Variants in RBM20 observed in about 807,000 individuals in gnomAD.
RBM20 encodes the protein RNA-binding protein 20.
Under a neutral mutation model 110.1 loss-of-function variants are expected in RBM20, and 51 were observed. The ratio of observed to expected loss-of-function variants is 0.46; its 90% CI spans 0.37 to 0.59. The LOEUF (loss-of-function observed/expected upper bound fraction) is 0.59. Among genes scored for constraint, RBM20 ranks in the 20% least tolerant of loss-of-function variants. The probability of loss-of-function intolerance (pLI) is 0.00; values close to 1 mark genes in which losing one functional copy is unlikely to be tolerated. For synonymous variants in RBM20, 589 were observed against 618.2 expected (o/e 0.95, Z 0.70); for missense variants, 1,512 against 1,574.9 (o/e 0.96, Z 0.68).
At chr10:110,803,024 A>G (rs1345232482) in intron 7 of RBM20, among the ~76,000 whole-genome samples, 1 of 152,156 alleles carries the variant, frequency 6.6e-6, no homozygotes, top group Non-Finnish European at 1.5e-5. Flanking sequence ...TAATCACTGT[A>G]CCCTGTGAAG....
At chr10:110,794,514 C>G (rs956151095) in intron 5 of RBM20, among the ~76,000 whole-genome samples, 2 of 152,218 alleles carry the variant, frequency 1.3e-5, no homozygotes, top group Non-Finnish European at 2.9e-5. Context: ...ACTGAAGAAG[C>G]TACTCATGAT....
rs2135154351 is a variant in RBM20 at position 110,839,229 on chromosome 10, C to T, written c.*3251C>T. 1 of 152,278 alleles carries T rather than the reference C, an allele frequency of 6.6e-6. No individual in the cohort carries two copies. Among genetic ancestry groups the T allele is most frequent in the South Asian group, 2.1e-4 (1 of 4,812 alleles). 9.4% of individuals were successfully genotyped at this position (152,278 alleles called of 1,614,324 possible). A position where few individuals can be genotyped will look rare whatever the true frequency, so the allele number is the denominator to read the frequency against. On this transcript the variant is annotated 3_prime_UTR_variant, in exon 14 of 14. Coordinates refer to ENST00000369519, the MANE Select transcript of RBM20 (RefSeq NM_001134363.3). ...AGTATCAGGGTTTCCCATTCTTGGA[C>T]AGTCCGAGGCTGTGACCTGTTAGAT...
At chr10:110,715,793 A>G (rs369638080) in intron 1 of RBM20, among the ~76,000 whole-genome samples, 25 of 152,196 alleles carry the variant, frequency 1.6e-4, no homozygotes, top group African/African-American at 5.8e-4. Flanking sequence ...CCCTGCAATT[A>G]CATTGCAATT....
intron 9 of RBM20, 121 bp downstream of exon 9, chr10:110,813,068 G>A (rs2135106751): frequency 1.2e-5 from 9 of 727,328 alleles, no homozygotes; most frequent in East Asian, 5.6e-5. Context: ...TTTACTATGC[G>A]CTAGGCACTG....
chr10:110,819,372 A>G (rs1411086339), intron 9 of RBM20, among the ~76,000 whole-genome samples: 2 of 152,282 alleles, frequency 1.3e-5, no homozygotes, highest in Non-Finnish European at 2.9e-5. Context: ...CTCACAAGCT[A>G]TACAAAAACA....
chr10:110,696,483 C>T (rs1020428995), intron 1 of RBM20, among the ~76,000 whole-genome samples: 1 of 152,190 alleles, frequency 6.6e-6, no homozygotes, highest in Admixed American at 6.5e-5. Flanking sequence ...GTGTGCAATG[C>T]CTGCACCACA....
chr10:110,783,170 C>T (rs766091603), intron 2 of RBM20, among the ~76,000 whole-genome samples, 196 bp from the exon 3 acceptor site: 2 of 151,970 alleles, frequency 1.3e-5, no homozygotes, highest in African/African-American at 2.4e-5. Flanking sequence ...GCTGATGGAG[C>T]AAAGGCTGGA....
intron 7 of RBM20, among the ~76,000 whole-genome samples, chr10:110,803,917 C>T (rs969376937): frequency 1.3e-5 from 2 of 151,406 alleles, no homozygotes; most frequent in South Asian, 4.2e-4. Context: ...GACCCAGAGA[C>T]CCTCATTAGG....
At chr10:110,675,804 T>G (rs1862330538) in intron 1 of RBM20, among the ~76,000 whole-genome samples, 1 of 152,238 alleles carries the variant, frequency 6.6e-6, no homozygotes, top group African/African-American at 2.4e-5. Context: ...TTTGCTCATT[T>G]ATGAAAAAGG....
At chr10:110,676,542 T>C (rs7342050) in intron 1 of RBM20, among the ~76,000 whole-genome samples, 106,978 of 152,142 alleles carry the variant, frequency 0.7, 39,102 homozygotes, top group Non-Finnish European at 0.8. Context: ...TTCTTACACT[T>C]GCGTTCCTGC....
Position 110,831,169 on chromosome 10 carries a change from A to C in RBM20, c.3560A>C (p.Tyr1187Ser). The C allele has an allele frequency of 6.4e-7, 1 of 1,551,194 alleles. No homozygotes were observed. ...KMSHCRSAVH[Y>S]RNLQKYLSQL... Reference sequence around the variant, plus strand: ...AGCCACTGCCGCAGCGCTGTCCACTACAGGAACTTACAGGTAAAAATCCAC... The same window carrying C: ...AGCCACTGCCGCAGCGCTGTCCACTCCAGGAACTTACAGGTAAAAATCCAC... Residue 1187 changes from tyrosine to serine, a missense_variant, in exon 13 of 14, where the codon TAC (tyrosine) becomes TCC (serine). Tyr to Ser is a moderately radical substitution (Grantham distance 144). Around this residue, in one of 3 missense-constraint regions of RBM20, gnomAD observed 358 missense variants for 384.2 expected, o/e 0.93. Coordinates refer to ENST00000369519, the MANE Select transcript of RBM20 (RefSeq NM_001134363.3).
Position 110,686,625 on chromosome 10 carries a change from T to TA in RBM20, c.191+41989dup, listed in dbSNP as rs199814165. Among the ~76,000 whole-genome samples, 735 of 150,982 alleles carry TA rather than the reference T, an allele frequency of 4.9e-3. 11 individuals carry two copies. The highest frequency in any genetic ancestry group is 0.017 in the African/African-American group (686 of 41,186). On this transcript the variant is annotated intron_variant, in intron 1 of 13. Coordinates refer to ENST00000369519, the MANE Select transcript of RBM20 (RefSeq NM_001134363.3). Reference sequence around the variant, plus strand: ...AGGTGATGGAGCCAGATGCTGTCTCTAAAAAAAAATAATAAAATATAAATG... The same window carrying TA: ...AGGTGATGGAGCCAGATGCTGTCTCTAAAAAAAAAATAATAAAATATAAATG...
At position 110,781,326 on chromosome 10, in the gene RBM20, A is replaced by T. The variant is rs886046700; in HGVS notation, c.717A>T (p.Thr239=). The T allele has an allele frequency of 1.3e-5, 20 of 1,551,590 alleles. No homozygotes were observed. Among genetic ancestry groups the T allele is most frequent in the Non-Finnish European group, 1.7e-5 (19 of 1,147,018 alleles). Reference sequence around the variant, plus strand: ...ATGGCAAAGCCAGCTCTGGCCAGACATATGGCCCTGAAACAGATGGTCAGC... The same window carrying T: ...ATGGCAAAGCCAGCTCTGGCCAGACTTATGGCCCTGAAACAGATGGTCAGC... ...YEYGKASSGQ[T]YGPETDGQPG... Residue 239 remains threonine (T), a synonymous_variant, in exon 2 of 14, where the codon ACA becomes ACT. Transcript: ENST00000369519.
chr10:110,649,269 G>C (rs928237496), intron 1 of RBM20, among the ~76,000 whole-genome samples: 44 of 151,386 alleles, frequency 2.9e-4, no homozygotes, highest in Admixed American at 2.9e-3. Context: ...ATTTATTTTT[G>C]TGGCTTTAAG....
chr10:110,732,587 G>A (rs942050676), intron 1 of RBM20, among the ~76,000 whole-genome samples: 19 of 152,102 alleles, frequency 1.2e-4, no homozygotes, highest in Admixed American at 3.9e-4. Context: ...CTCAAACTCC[G>A]GTTTTGCCTT....
intron 1 of RBM20, among the ~76,000 whole-genome samples, chr10:110,662,433 G>T (rs866162623): frequency 6.6e-6 from 1 of 152,102 alleles, no homozygotes; most frequent in East Asian, 1.9e-4. Context: ...AAATTTCCTC[G>T]GTCTAAAATG....
intron 1 of RBM20, among the ~76,000 whole-genome samples, chr10:110,756,079 A>G (rs1007284255): frequency 6.6e-6 from 1 of 152,198 alleles, no homozygotes; most frequent in African/African-American, 2.4e-5. Flanking sequence ...ATGGCTCAGG[A>G]TACTTCAGTG....
chr10:110,773,112 TCA>T (rs1377983821), intron 1 of RBM20, among the ~76,000 whole-genome samples: 5 of 152,260 alleles, frequency 3.3e-5, no homozygotes, highest in African/African-American at 1.2e-4. Context: ...TGCGCTATTC[TCA>T]GTCTTCAGTG....
intron 10 of RBM20, among the ~76,000 whole-genome samples, chr10:110,820,706 C>CAGGAG: frequency 6.6e-6 from 1 of 152,372 alleles, no homozygotes; most frequent in South Asian, 2.1e-4. Flanking sequence ...TCGTGCCTTT[C>CAGGAG]CGGTCAGGAG....
Sources: gnomAD v4.1 joint callset for allele counts (sites outside exome capture counted in the v4.1 genomes callset) on GRCh38, gnomAD v4.1.1 for gene constraint, gnomAD v4.1.1 regional missense constraint, MANE v1.5 for transcripts, NCBI Gene and HGNC (gene_info 2026-07-23, HGNC 2026-07-21) for gene names.